ZBTB40: variants seen among roughly 807,000 people sequenced by gnomAD.
ZBTB40 encodes the protein zinc finger and BTB domain-containing protein 40.
A neutral mutation model predicts 117.5 loss-of-function variants in ZBTB40; 60 were observed. That is an observed-to-expected ratio of 0.51 (90% CI 0.41 to 0.63). The LOEUF (loss-of-function observed/expected upper bound fraction) is 0.63. Ranked by LOEUF, ZBTB40 falls within the 30% of genes least tolerant of loss-of-function variation. The probability of loss-of-function intolerance (pLI) is 0.00; values close to 1 mark genes in which losing one functional copy is unlikely to be tolerated. For missense variants in ZBTB40, 1,287 were observed against 1,498.5 expected (o/e 0.86, Z 2.33); for synonymous variants, 525 against 577.1 (o/e 0.91, Z 1.29).
Position 22,513,181 on chromosome 1 carries a change from C to CTAA in ZBTB40, c.2668+52_2668+54dup. The CTAA allele has an allele frequency of 6.3e-7, 1 of 1,583,712 alleles. No homozygotes were observed. The highest frequency in any genetic ancestry group is 8.6e-7 in the Non-Finnish European group (1 of 1,162,214). ...CCTGCAGACTTTCACTGCGAACTGC[C>CTAA]TAAACCCCATTTGGATTAGGTGTGA... On this transcript the variant is annotated intron_variant, in intron 12 of 17. Transcript: ENST00000375647. The surrounding 1 kb of genome is among the most constrained non-coding windows in gnomAD (Gnocchi z 4.9).
rs1450200273 is a variant in ZBTB40 at position 22,513,929 on chromosome 1, C to T, written c.2668+799C>T. Among the ~76,000 whole-genome samples the T allele has an allele frequency of 4.6e-5, 7 of 152,148 alleles. No homozygotes were observed. In the East Asian group the frequency reaches 1.3e-3, roughly 29 times the overall value. ...CATAAAATTATTTGAGCTTTGAAGT[C>T]GAGTTCAAGCATGAGAAGGACCCTG... On this transcript the variant is annotated intron_variant, in intron 12 of 17. Transcript: ENST00000375647. This position sits in a 1 kb window ranked among gnomAD's most constrained non-coding sequence, Gnocchi z 4.9.
At chr1:22,477,869 T>G (rs1316930916) in intron 1 of ZBTB40, among the ~76,000 whole-genome samples, 1 of 152,142 alleles carries the variant, frequency 6.6e-6, no homozygotes, top group Non-Finnish European at 1.5e-5. Flanking sequence ...GTTTTTTGTT[T>G]ACCGTACTTT....
At chr1:22,455,445 TC>T (rs1192140527) in intron 1 of ZBTB40, among the ~76,000 whole-genome samples, 2 of 152,188 alleles carry the variant, frequency 1.3e-5, no homozygotes, top group African/African-American at 4.8e-5. Flanking sequence ...CTTTAAACTC[TC>T]CCTAGTAACC....
intron 17 of ZBTB40, 74 bp downstream of exon 17, chr1:22,524,518 C>T (rs1278150466): frequency 1.4e-6 from 2 of 1,467,668 alleles, no homozygotes; most frequent in Non-Finnish European, 1.9e-6. Context: ...GTGGCTCTGT[C>T]ATAGTACCCA....
intron 1 of ZBTB40, among the ~76,000 whole-genome samples, chr1:22,468,764 G>T (rs1208698231): frequency 6.8e-6 from 1 of 147,076 alleles, no homozygotes; most frequent in Non-Finnish European, 1.5e-5. Context: ...CTCCCAAAAT[G>T]TTGGGATTAT....
At chr1:22,492,613 C>A (rs1164984222) in intron 3 of ZBTB40, among the ~76,000 whole-genome samples, 2 of 152,206 alleles carry the variant, frequency 1.3e-5, no homozygotes, top group Non-Finnish European at 2.9e-5. Context: ...CCAAGTAATA[C>A]ATGCCTTCTA....
chr1:22,516,926 C>T (rs1431915129), intron 12 of ZBTB40, among the ~76,000 whole-genome samples: 2 of 152,184 alleles, frequency 1.3e-5, no homozygotes, highest in Non-Finnish European at 2.9e-5. Context: ...AGTTGCAGAT[C>T]CACACTGTGT....
chr1:22,430,696 T>C (rs1416859556), intron 1 of ZBTB40, among the ~76,000 whole-genome samples: 1 of 151,818 alleles, frequency 6.6e-6, no homozygotes, highest in Non-Finnish European at 1.5e-5. Flanking sequence ...GGTCTTGAAC[T>C]CTTAGGCTGA....
chr1:22,496,612 T>A (rs995310456), intron 3 of ZBTB40, among the ~76,000 whole-genome samples: 1 of 152,206 alleles, frequency 6.6e-6, no homozygotes, highest in Non-Finnish European at 1.5e-5. Context: ...ACTTGTTGGC[T>A]CCTGTGACTT....
At chr1:22,489,787 G>A in intron 1 of ZBTB40, 93 bp from the exon 2 acceptor site, 1 of 708,256 alleles carries the variant, frequency 1.4e-6, no homozygotes, top group South Asian at 1.5e-5. Context: ...GGATGAATGA[G>A]TGAAATGCCT....
At chr1:22,496,381 G>A (rs942402672) in intron 3 of ZBTB40, among the ~76,000 whole-genome samples, 4 of 152,078 alleles carry the variant, frequency 2.6e-5, no homozygotes, top group African/African-American at 7.3e-5. Flanking sequence ...AGGACACTAC[G>A]TTGCCTGGGA....
chr1:22,474,941 A>C (rs1004124470), intron 1 of ZBTB40, among the ~76,000 whole-genome samples: 10 of 83,156 alleles, frequency 1.2e-4, no homozygotes, highest in African/African-American at 6.6e-4. Flanking sequence ...CAGTACCAAC[A>C]ATAAAAAAAA....
chr1:22,469,691 C>T (rs898317053), intron 1 of ZBTB40, among the ~76,000 whole-genome samples: 5 of 152,032 alleles, frequency 3.3e-5, no homozygotes, highest in African/African-American at 9.7e-5. Context: ...TGAGTAGCTA[C>T]CACGCCCGAC....
intron 1 of ZBTB40, among the ~76,000 whole-genome samples, chr1:22,481,853 C>T (rs1305717811): frequency 1.4e-5 from 2 of 143,678 alleles, no homozygotes; most frequent in Non-Finnish European, 1.5e-5. Context: ...TTAGAAAAAC[C>T]TCATCAGTGC....
chr1:22,431,251 CAAT>C (rs1557468526), intron 1 of ZBTB40, among the ~76,000 whole-genome samples: 3 of 145,594 alleles, frequency 2.1e-5, no homozygotes, highest in Non-Finnish European at 4.5e-5. Flanking sequence ...TATGCATATA[CAAT>C]ATTGTATATA....
chr1:22,508,034 T>A lies in ZBTB40; in HGVS notation c.1394T>A (p.Leu465Gln). ...QPSPDDYGTELLRRYHENLSE... is the reference protein window; with the variant it reads ...QPSPDDYGTEQLRRYHENLSE... ...AGCCCTGATGATTATGGGACTGAGC[T>A]ATTGAGACGCTATCATGAAAACCTC... The change falls in exon 7 of 18, where the codon CTA becomes CAA. Residue 465 changes from leucine to glutamine, a missense_variant. Leu to Gln is a moderately radical substitution (Grantham distance 113, BLOSUM62 -2). Around this residue, in one of 2 missense-constraint regions of ZBTB40, gnomAD observed 870 missense variants for 934.4 expected, o/e 0.93. Transcript: ENST00000375647. 1 of 1,614,184 alleles carries A rather than the reference T, an allele frequency of 6.2e-7. No homozygotes were observed. The highest frequency in any genetic ancestry group is 1.7e-5 in the Admixed American group (1 of 60,020).
At chr1:22,498,678 A>G (rs911458532) in intron 3 of ZBTB40, among the ~76,000 whole-genome samples, 4 of 152,318 alleles carry the variant, frequency 2.6e-5, no homozygotes, top group African/African-American at 7.2e-5. Context: ...GAAGCATATC[A>G]GATGCCACCA....
rs147226607 is a variant in ZBTB40 at position 22,504,671 on chromosome 1, C to T, written c.1168-1378C>T. Among the ~76,000 whole-genome samples, 522 of 152,326 alleles carry T rather than the reference C, an allele frequency of 3.4e-3. 12 individuals are homozygous for T. Among genetic ancestry groups the T allele is most frequent in the East Asian group, 2.5e-3 (13 of 5,184 alleles). On this transcript the variant is annotated intron_variant, in intron 5 of 17. Transcript: ENST00000375647. ...TAGGAGTTAGGCAAGGCCCTATGAA[C>T]AGCACCTTCATTTTACAGTAACAAC...
At chr1:22,495,089 C>G (rs1388153354) in intron 3 of ZBTB40, among the ~76,000 whole-genome samples, 1 of 152,182 alleles carries the variant, frequency 6.6e-6, no homozygotes, top group Non-Finnish European at 1.5e-5. Context: ...TAAAAATAGT[C>G]TACTCCTGGA....
Sources: gnomAD v4.1 joint callset for allele counts (sites outside exome capture counted in the v4.1 genomes callset) on GRCh38, gnomAD v4.1.1 for gene constraint, gnomAD v4.1.1 regional missense constraint, Gnocchi (gnomAD v3.1) non-coding constraint, MANE v1.5 for transcripts, NCBI Gene and HGNC (gene_info 2026-07-23, HGNC 2026-07-21) for gene names.